Variants in ANXA4 observed in about 807,000 individuals in gnomAD.
The protein encoded by ANXA4 is 35-beta calcimedin.
In ANXA4, 39 loss-of-function variants were observed where a neutral mutation model predicts 49.8. The observed-to-expected ratio is 0.78, with a 90% confidence interval of 0.61 to 1.02. The LOEUF is 1.02. Among genes scored for constraint, ANXA4 ranks in the 50% least tolerant of loss-of-function variants. The pLI, the probability that ANXA4 is intolerant of heterozygous loss-of-function variation, is 0.00. For synonymous variants in ANXA4, 134 were observed against 152.5 expected (o/e 0.88, Z 0.89); for missense variants, 360 against 410.1 (o/e 0.88, Z 1.05).
intron 2 of ANXA4, among the ~76,000 whole-genome samples, chr2:69,694,950 C>T (rs2105378945): frequency 6.6e-6 from 1 of 152,026 alleles, no homozygotes; most frequent in South Asian, 2.1e-4. Context: ...TTTAACCAGC[C>T]TAGGCAACAT....
At chr2:69,679,822 G>A (rs769313811) in intron 2 of ANXA4, among the ~76,000 whole-genome samples, 1 of 152,164 alleles carries the variant, frequency 6.6e-6, no homozygotes, top group African/African-American at 2.4e-5. Flanking sequence ...CTGGAAATAA[G>A]TGGATTTACT....
chr2:69,810,454 CTG>C (rs1277615315), intron 6 of ANXA4, 138 bp from the exon 7 acceptor site: 2 of 656,214 alleles, frequency 3.0e-6, no homozygotes, highest in East Asian at 5.4e-5. Flanking sequence ...TTTTGAAAAA[CTG>C]TGTGTGGGGT....
chr2:69,735,439 G>C (rs1670218626), intron 3 of ANXA4, among the ~76,000 whole-genome samples: 1 of 152,132 alleles, frequency 6.6e-6, no homozygotes, highest in African/African-American at 2.4e-5. Context: ...TATCGACTTA[G>C]GGTGCTTTAG....
At chr2:69,686,703 G>T (rs775327354) in intron 2 of ANXA4, among the ~76,000 whole-genome samples, 24 of 152,146 alleles carry the variant, frequency 1.6e-4, no homozygotes, top group South Asian at 8.3e-4. Context: ...CAATCCTCTG[G>T]ACTTGGCCTC....
intron 3 of ANXA4, among the ~76,000 whole-genome samples, chr2:69,727,568 G>C (rs1357555263): frequency 1.3e-5 from 2 of 151,992 alleles, no homozygotes; most frequent in African/African-American, 4.8e-5. Context: ...AAGTGCTGTT[G>C]AAGTCTTTTA....
At chr2:69,666,064 C>T (rs557613232) in intron 2 of ANXA4, among the ~76,000 whole-genome samples, 17 of 152,092 alleles carry the variant, frequency 1.1e-4, no homozygotes, top group African/African-American at 3.9e-4. Flanking sequence ...AATAGCGGGG[C>T]GTGGTGGTGG....
At chr2:69,657,244 C>T (rs924406519) in intron 2 of ANXA4, among the ~76,000 whole-genome samples, 2 of 152,046 alleles carry the variant, frequency 1.3e-5, no homozygotes, top group African/African-American at 2.4e-5. Flanking sequence ...CCACCCACCT[C>T]GACCTCCCAA....
chr2:69,673,422 A>G (rs974121606), intron 2 of ANXA4, among the ~76,000 whole-genome samples: 1 of 141,624 alleles, frequency 7.1e-6, no homozygotes, highest in Non-Finnish European at 1.5e-5. Context: ...CAAACACTGC[A>G]TGTTCTCACT....
intron 3 of ANXA4, among the ~76,000 whole-genome samples, chr2:69,793,780 A>C (rs1446969604): frequency 1.3e-5 from 2 of 152,012 alleles, no homozygotes; most frequent in Non-Finnish European, 2.9e-5. Flanking sequence ...TTCCCCAAGG[A>C]GTCCCAGGCC....
chr2:69,689,652 A>T (rs2105370327), intron 2 of ANXA4, among the ~76,000 whole-genome samples: 1 of 152,350 alleles, frequency 6.6e-6, no homozygotes, highest in South Asian at 2.1e-4. Flanking sequence ...AAATCAAATT[A>T]AAGTCACTTG....
chr2:69,669,881 T>C (rs1677097496), intron 2 of ANXA4, among the ~76,000 whole-genome samples: 1 of 152,140 alleles, frequency 6.6e-6, no homozygotes, highest in African/African-American at 2.4e-5. Context: ...TGTAAAGACT[T>C]CACCTTCCTT....
At chr2:69,669,032 G>T (rs959012716) in intron 2 of ANXA4, among the ~76,000 whole-genome samples, 1 of 151,466 alleles carries the variant, frequency 6.6e-6, no homozygotes, top group African/African-American at 2.4e-5. Flanking sequence ...CGCCTCTCAG[G>T]TTCAAGTGAT....
chr2:69,744,223 C>G (rs1264220614), intron 1 of ANXA4, among the ~76,000 whole-genome samples: 3 of 152,116 alleles, frequency 2.0e-5, no homozygotes, highest in Non-Finnish European at 2.9e-5. Flanking sequence ...GGGAGTTTCA[C>G]TTAAGCCCAG....
At chr2:69,716,337 T>C (rs950229464) in intron 2 of ANXA4, among the ~76,000 whole-genome samples, 1 of 152,072 alleles carries the variant, frequency 6.6e-6, no homozygotes, top group African/African-American at 2.4e-5. Flanking sequence ...AATACAATAC[T>C]GGTCAAAAAA....
At chr2:69,788,303 G>A (rs938687438) in intron 3 of ANXA4, among the ~76,000 whole-genome samples, 162 bp downstream of exon 3, 1 of 152,222 alleles carries the variant, frequency 6.6e-6, no homozygotes, top group Non-Finnish European at 1.5e-5. Flanking sequence ...ACTTTGGGAG[G>A]CTGAGGTGGG....
chr2:69,727,556 T>C (rs1669995556), intron 3 of ANXA4, among the ~76,000 whole-genome samples: 1 of 152,246 alleles, frequency 6.6e-6, no homozygotes, highest in Non-Finnish European at 1.5e-5. Context: ...TTCTGTTTTA[T>C]AAAGTGCTGT....
chr2:69,656,288 CATATATGT>C lies in ANXA4; in HGVS notation n.766+3013_766+3020del, dbSNP rs1559045985. Among the ~76,000 whole-genome samples the C allele has an allele frequency of 1.3e-4, 12 of 89,528 alleles. No individual in the cohort carries two copies. The East Asian group carries it at 6.7e-3, about 50-fold the overall frequency. The allele number at this position is 89,528 out of a possible 152,430, so 58.7% of individuals were successfully genotyped here. On this transcript the variant is annotated intron_variant and non_coding_transcript_variant, in intron 2 of 3. Transcript: ENST00000418066. Reference sequence around the variant, plus strand: ...ATATATGTATATACGTATATATATACATATATGTATATATATGTATATATGTATATATA... The same window carrying C: ...ATATATGTATATACGTATATATATACATATATATGTATATATGTATATATA...
chr2:69,651,832 G>T (rs990211537), intron 1 of ANXA4, among the ~76,000 whole-genome samples: 5 of 59,124 alleles, frequency 8.5e-5, no homozygotes, highest in South Asian at 5.9e-4. Flanking sequence ...GGGGGGGGCG[G>T]GGAGACAGAG....
intron 3 of ANXA4, among the ~76,000 whole-genome samples, chr2:69,721,237 G>C (rs898395957): frequency 1.3e-5 from 2 of 152,206 alleles, no homozygotes; most frequent in Non-Finnish European, 2.9e-5. Flanking sequence ...TACCCAGCCT[G>C]TTTGCTCATT....
Sources: gnomAD v4.1 joint callset for allele counts (sites outside exome capture counted in the v4.1 genomes callset) on GRCh38, gnomAD v4.1.1 for gene constraint, MANE v1.5 for transcripts, NCBI Gene and HGNC (gene_info 2026-07-23, HGNC 2026-07-21) for gene names.